Variants in CFAP210 observed in about 807,000 individuals in gnomAD.
CFAP210 encodes the protein cilia- and flagella- associated protein 210.
chr2:169,670,497 C>A, the CFAP210 span, among the ~76,000 whole-genome samples: 1 of 152,200 alleles, frequency 6.6e-6, no homozygotes, highest in Non-Finnish European at 1.5e-5. Flanking sequence ...TAGCTTAAAA[C>A]AATGAACACT....
At chr2:169,668,875 G>A in the CFAP210 span, among the ~76,000 whole-genome samples, 1 of 152,190 alleles carries the variant, frequency 6.6e-6, no homozygotes, top group Non-Finnish European at 1.5e-5. Context: ...TTACCAAAAT[G>A]TGACACAGAG....
chr2:169,671,514 G>A, the CFAP210 span, among the ~76,000 whole-genome samples: 1 of 152,172 alleles, frequency 6.6e-6, no homozygotes, highest in Non-Finnish European at 1.5e-5. Flanking sequence ...TGTTGCCCAG[G>A]CTGGAGTACA....
chr2:169,669,337 A>T, the CFAP210 span, among the ~76,000 whole-genome samples: 53 of 152,346 alleles, frequency 3.5e-4, 1 homozygote, highest in African/African-American at 1.2e-3. Context: ...GATCATACAG[A>T]GCCTTGGAGG....
chr2:169,693,130 T>C, the CFAP210 span, among the ~76,000 whole-genome samples: 4 of 152,252 alleles, frequency 2.6e-5, no homozygotes, highest in African/African-American at 4.8e-5. Flanking sequence ...CTGGCTGATG[T>C]CATCCCACTA....
chr2:169,675,612 T>C, the CFAP210 span, among the ~76,000 whole-genome samples: 46 of 152,292 alleles, frequency 3.0e-4, no homozygotes, highest in African/African-American at 1.1e-3. Flanking sequence ...TCTGCCCCCA[T>C]GATCCACTCA....
the CFAP210 span, chr2:169,680,937 A>C: frequency 2.7e-5 from 34 of 1,277,516 alleles, no homozygotes; most frequent in Non-Finnish European, 3.7e-5. Flanking sequence ...TTATAAAAAG[A>C]AGCATAAGAG....
At chr2:169,664,419 GAAT>G in the CFAP210 span, among the ~76,000 whole-genome samples, 1 of 151,938 alleles carries the variant, frequency 6.6e-6, no homozygotes, top group South Asian at 2.1e-4. Flanking sequence ...CCTATTCTAA[GAAT>G]AATAACAAAA....
the CFAP210 span, chr2:169,659,172 T>A: frequency 1.3e-5 from 2 of 152,062 alleles, no homozygotes; most frequent in Admixed American, 6.6e-5. Context: ...GTCCACCAGA[T>A]TGGGCTTTAA....
the CFAP210 span, among the ~76,000 whole-genome samples, chr2:169,672,158 C>T: frequency 1.1e-4 from 16 of 151,994 alleles, no homozygotes; most frequent in East Asian, 1.9e-4. Flanking sequence ...TATAGCTTGG[C>T]GATAAGTTTG....
chr2:169,687,959 C>T, the CFAP210 span, among the ~76,000 whole-genome samples: 40,870 of 152,118 alleles, frequency 0.27, 5,717 homozygotes, highest in Non-Finnish European at 0.31. Context: ...GACTTCTGTG[C>T]ACCTACAGGC....
the CFAP210 span, chr2:169,649,246 T>A: frequency 6.2e-7 from 1 of 1,613,934 alleles, no homozygotes; most frequent in Non-Finnish European, 8.5e-7. Context: ...TTTTTTCTCC[T>A]TTTCATGTTC....
chr2:169,646,811 C>T, the CFAP210 span, among the ~76,000 whole-genome samples: 1 of 152,078 alleles, frequency 6.6e-6, no homozygotes, highest in African/African-American at 2.4e-5. Context: ...TATTAATTTA[C>T]ATTGGATGAG....
the CFAP210 span, among the ~76,000 whole-genome samples, chr2:169,653,243 A>C: frequency 1.3e-5 from 2 of 151,402 alleles, no homozygotes; most frequent in Non-Finnish European, 2.9e-5. Flanking sequence ...AAGAGTTAAG[A>C]AAGCAAGTTA....
chr2:169,671,558 T>C, the CFAP210 span, among the ~76,000 whole-genome samples: 1 of 152,208 alleles, frequency 6.6e-6, no homozygotes, highest in Non-Finnish European at 1.5e-5. Flanking sequence ...AACCTTCGCC[T>C]CCCAGGTTCA....
chr2:169,661,702 T>C, the CFAP210 span, among the ~76,000 whole-genome samples: 1 of 152,244 alleles, frequency 6.6e-6, no homozygotes, highest in Admixed American at 6.5e-5. Flanking sequence ...TTCTTGTTCA[T>C]GCATGAGAGC....
chr2:169,648,694 G>C, the CFAP210 span, among the ~76,000 whole-genome samples: 2 of 152,200 alleles, frequency 1.3e-5, no homozygotes, highest in Non-Finnish European at 2.9e-5. Context: ...GTGTTGATGA[G>C]TATGTGGAGT....
At chr2:169,662,483 G>A in the CFAP210 span, 1 of 1,462,246 alleles carries the variant, frequency 6.8e-7, no homozygotes, top group East Asian at 2.3e-5. Flanking sequence ...AGAAAAATAG[G>A]TTATATTTTT....
chr2:169,648,700 GGAGT>G, the CFAP210 span, among the ~76,000 whole-genome samples: 2 of 152,158 alleles, frequency 1.3e-5, no homozygotes, highest in Non-Finnish European at 2.9e-5. Flanking sequence ...ATGAGTATGT[GGAGT>G]AAGTTGTGCT....
the CFAP210 span, among the ~76,000 whole-genome samples, chr2:169,663,401 A>G: frequency 1.4e-4 from 21 of 151,888 alleles, no homozygotes; most frequent in East Asian, 3.7e-3. Context: ...GGGTCTTGCT[A>G]TGTTGCCCAG....
Sources: gnomAD v4.1 joint callset for allele counts (sites outside exome capture counted in the v4.1 genomes callset) on GRCh38, gnomAD v4.1.1 for gene constraint, MANE v1.5 for transcripts, NCBI Gene and HGNC (gene_info 2026-07-23, HGNC 2026-07-21) for gene names.